AR: variants seen among roughly 807,000 people sequenced by gnomAD.
The protein encoded by AR is dihydrotestosterone receptor.
AR carries 8 observed loss-of-function variants against 53.9 expected under a neutral mutation model. The observed-to-expected ratio is 0.15, with a 90% CI of 0.09 to 0.27. AR has a LOEUF of 0.27. Among genes scored for constraint, AR ranks in the 10% least tolerant of loss-of-function variants. The probability of loss-of-function intolerance (pLI) is 1.00; values close to 1 mark genes in which losing one functional copy is unlikely to be tolerated. For missense variants in AR, 639 were observed against 742.5 expected, an observed-to-expected ratio of 0.86 and a Z score of 1.62; for synonymous variants, 359 against 316.4, an observed-to-expected ratio of 1.13 and a Z score of -1.43.
chrX:67,630,222 A>G (rs972595220), intron 1 of AR, among the ~76,000 whole-genome samples: 7 of 110,784 alleles, frequency 6.3e-5, no homozygotes, highest in African/African-American at 2.3e-4. Flanking sequence ...TGATCTGTCT[A>G]ATGTTGACAG....
intron 2 of AR, among the ~76,000 whole-genome samples, chrX:67,683,493 A>T (rs1032611271): frequency 8.9e-6 from 1 of 112,158 alleles, no homozygotes; most frequent in Non-Finnish European, 1.9e-5. Flanking sequence ...TTCCAGTCCA[A>T]TCTATCTCAT....
At chrX:67,636,080 A>G (rs1205887171) in intron 1 of AR, among the ~76,000 whole-genome samples, 1 of 111,824 alleles carries the variant, frequency 8.9e-6, no homozygotes, top group Non-Finnish European at 1.9e-5. Flanking sequence ...TTAAAGAATC[A>G]ACAACATTAA....
intron 7 of AR, among the ~76,000 whole-genome samples, 166 bp from the exon 8 acceptor site, chrX:67,723,520 A>AGCACACAC (rs1555998014): frequency 1.8e-4 from 17 of 93,111 alleles, no homozygotes; most frequent in Admixed American, 3.6e-4. Context: ...GTCTCTCTCT[A>AGCACACAC]ACACACACAC....
chrX:67,588,099 CTGT>C, intron 1 of AR, among the ~76,000 whole-genome samples: 1 of 111,794 alleles, frequency 8.9e-6, no homozygotes, highest in Non-Finnish European at 1.9e-5. Flanking sequence ...GCATCGGAGG[CTGT>C]TACTCAATAT....
intron 5 of AR, among the ~76,000 whole-genome samples, chrX:67,719,194 T>A (rs954153377): frequency 1.8e-5 from 2 of 111,754 alleles, no homozygotes; most frequent in African/African-American, 3.3e-5. Context: ...CCACTAGGCT[T>A]TTGGCACAAA....
intron 1 of AR, among the ~76,000 whole-genome samples, chrX:67,571,298 C>A (rs753597604): frequency 8.9e-6 from 1 of 111,827 alleles, no homozygotes; most frequent in African/African-American, 3.2e-5. Context: ...AAACATCATA[C>A]ACACTGATCC....
chrX:67,671,614 T>G (rs763902853), intron 2 of AR, among the ~76,000 whole-genome samples: 3 of 111,966 alleles, frequency 2.7e-5, no homozygotes, highest in Non-Finnish European at 3.8e-5. Context: ...TAGATCCCAT[T>G]TGTCAATTTT....
At chrX:67,715,050 A>G (rs766667140) in intron 4 of AR, among the ~76,000 whole-genome samples, 2 of 111,504 alleles carry the variant, frequency 1.8e-5, no homozygotes, top group Non-Finnish European at 3.8e-5. Flanking sequence ...AAGCATCAGT[A>G]TGGACAATTT....
rs2147540992 is a variant in AR, at chrX:67,723,854, C to G, written c.*13C>G. On this transcript the variant is annotated 3_prime_UTR_variant, in exon 8 of 8. Transcript: ENST00000374690. Reference sequence around the variant, plus strand: ...CCACACCCAGTGAAGCATTGGAAACCCTATTTCCCCACCCCAGCTCATGCC... The same window carrying G: ...CCACACCCAGTGAAGCATTGGAAACGCTATTTCCCCACCCCAGCTCATGCC... 8.3e-7 allele frequency: 1 copy of G among 1,208,400 alleles called. No homozygotes were observed. Among genetic ancestry groups the G allele is most frequent in the Non-Finnish European group, 1.1e-6 (1 of 894,664 alleles).
At chrX:67,607,606 CA>C (rs911213404) in intron 1 of AR, among the ~76,000 whole-genome samples, 1 of 112,243 alleles carries the variant, frequency 8.9e-6, no homozygotes, top group African/African-American at 3.2e-5. Flanking sequence ...GCTTACCTCA[CA>C]GGGTTATTGT....
intron 1 of AR, among the ~76,000 whole-genome samples, chrX:67,590,848 A>C (rs769599508): frequency 8.9e-6 from 1 of 112,401 alleles, no homozygotes; most frequent in Non-Finnish European, 1.9e-5. Flanking sequence ...GTGCTCCTGT[A>C]TTAAGTTCTG....
intron 5 of AR, among the ~76,000 whole-genome samples, chrX:67,721,271 G>A (rs1320827845): frequency 8.9e-6 from 1 of 112,128 alleles, no homozygotes; most frequent in Non-Finnish European, 1.9e-5. Flanking sequence ...CTCCTTCACT[G>A]GGAGTTTTTG....
intron 1 of AR, among the ~76,000 whole-genome samples, chrX:67,594,994 T>C (rs1290397136): frequency 9.0e-6 from 1 of 110,801 alleles, no homozygotes; most frequent in African/African-American, 3.3e-5. Context: ...TCCTCCGCTT[T>C]TTCAGTTCCT....
At chrX:67,639,827 T>A (rs1363823025) in intron 1 of AR, among the ~76,000 whole-genome samples, 2 of 111,507 alleles carry the variant, frequency 1.8e-5, no homozygotes, top group African/African-American at 6.5e-5. Context: ...TCTTTCCTGA[T>A]TGCCCTGGCC....
At chrX:67,567,954 T>A (rs1921627140) in intron 1 of AR, among the ~76,000 whole-genome samples, 1 of 111,297 alleles carries the variant, frequency 9.0e-6, no homozygotes. Flanking sequence ...ACCAGCAACT[T>A]AGCAATTGTA....
chrX:67,695,336 G>A (rs2076014839), intron 3 of AR: 1 of 752,230 alleles, frequency 1.3e-6, no homozygotes, highest in African/African-American at 2.3e-5. Context: ...CAGAAGTTCA[G>A]TAAACAAGGA....
At chrX:67,569,102 A>G in intron 1 of AR, 2 of 1,029,282 alleles carry the variant, frequency 1.9e-6, no homozygotes, top group Non-Finnish European at 2.7e-6. Flanking sequence ...GTGACCTAAT[A>G]TTACGCAGCC....
chrX:67,685,949 G>A lies in AR; in HGVS notation c.1769-61G>A, dbSNP rs200700978. 265 of 1,202,100 alleles carry A rather than the reference G, an allele frequency of 2.2e-4. No individual in the cohort carries two copies. The East Asian group carries it at 5.0e-3, about 23-fold the overall frequency. ...TATCTTTTCTGTTCTAGAAATACCCGAAGAAAGAGACTCTGGAAACTCATT... is the reference window on the plus strand; with the variant it reads ...TATCTTTTCTGTTCTAGAAATACCCAAAGAAAGAGACTCTGGAAACTCATT... On this transcript the variant is annotated intron_variant, in intron 2 of 7. Coordinates refer to ENST00000374690, the MANE Select transcript of AR (RefSeq NM_000044.6).
At chrX:67,598,987 G>A (rs1263286017) in intron 1 of AR, among the ~76,000 whole-genome samples, 4 of 111,145 alleles carry the variant, frequency 3.6e-5, no homozygotes, top group Non-Finnish European at 7.5e-5. Context: ...TGGAGCAATA[G>A]AAACAACACT....
Sources: gnomAD v4.1 joint callset for allele counts (sites outside exome capture counted in the v4.1 genomes callset) on GRCh38, gnomAD v4.1.1 for gene constraint, MANE v1.5 for transcripts, NCBI Gene and HGNC (gene_info 2026-07-23, HGNC 2026-07-21) for gene names.